The following GRSF1 variants were observed in gnomAD, a reference collection of about 807,000 sequenced individuals.
GRSF1 encodes G-rich sequence factor 1.
Under a neutral mutation model 51.1 loss-of-function variants are expected in GRSF1, and 50 were observed. The ratio of observed to expected loss-of-function variants is 0.98; its 90% CI spans 0.78 to 1.24. GRSF1 has a LOEUF of 1.24. Ranked by LOEUF, GRSF1 falls within the 50% of genes most tolerant of loss-of-function variation. The pLI is 0.00. For synonymous variants in GRSF1, 293 were observed against 253.3 expected (o/e 1.16, Z -1.49); for missense variants, 700 against 639.7 (o/e 1.09, Z -1.02).
Position 70,825,378 on chromosome 4 carries a change from C to G in GRSF1, c.1311G>C (p.Gly437=). The part of the protein sequence containing the change: ...VRITMEYSSS[G]KATGEADVHF... ...GCACATCAGCTTCTCCAGTGGCCTT[C>G]CCACTGGAGCTGTATTCCATGGTGA... The change falls in exon 8 of 10, where the codon GGG becomes GGC. Residue 437 remains glycine, a synonymous_variant. Coordinates refer to ENST00000254799, the MANE Select transcript of GRSF1 (RefSeq NM_002092.4). 1 of 1,608,108 alleles carries G rather than the reference C, an allele frequency of 6.2e-7. No individual in the cohort carries two copies. Among genetic ancestry groups the G allele is most frequent in the African/African-American group, 1.3e-5 (1 of 74,814 alleles).
upstream of GRSF1, among the ~76,000 whole-genome samples, chr4:70,840,847 C>T (rs554211761): frequency 2.8e-3 from 430 of 152,176 alleles, 3 homozygotes; most frequent in South Asian, 6.4e-3. Flanking sequence ...TGCTGCCCTG[C>T]GCTGTGCCAC....
intron 5 of GRSF1, among the ~76,000 whole-genome samples, chr4:70,830,648 G>A (rs1733926410): frequency 1.3e-5 from 2 of 151,850 alleles, no homozygotes; most frequent in Non-Finnish European, 2.9e-5. Flanking sequence ...GTAAAACCTT[G>A]TCTCTACTAA....
intron 1 of GRSF1, among the ~76,000 whole-genome samples, chr4:70,837,094 C>T (rs1376649174): frequency 6.6e-6 from 1 of 152,196 alleles, no homozygotes; most frequent in Non-Finnish European, 1.5e-5. Flanking sequence ...GAATATTCCT[C>T]TGTCAGCTGG....
chr4:70,822,227 C>T (rs1050474155), intron 9 of GRSF1, among the ~76,000 whole-genome samples: 1 of 152,102 alleles, frequency 6.6e-6, no homozygotes, highest in Non-Finnish European at 1.5e-5. Flanking sequence ...AACAGTGGCA[C>T]ATTAACTGTG....
At position 70,828,007 on chromosome 4, in the gene GRSF1, T is replaced by C. The variant is rs1277078184; in HGVS notation, c.980A>G (p.Asn327Ser). 1 of 1,613,418 alleles carries C rather than the reference T, an allele frequency of 6.2e-7. No individual in the cohort carries two copies. The highest frequency in any genetic ancestry group is 8.5e-7 in the Non-Finnish European group (1 of 1,179,648). ...RYIEIFPSRRNEVRTHVGSYK... is the reference protein window; with the variant it reads ...RYIEIFPSRRSEVRTHVGSYK... Reference sequence around the variant, plus strand: ...AGAACCGACATGTGTTCGAACTTCATTCCTTCTGCTTGGAAATATCTCGAT... The same window carrying C: ...AGAACCGACATGTGTTCGAACTTCACTCCTTCTGCTTGGAAATATCTCGAT... Residue 327 changes from asparagine to serine, a missense_variant, in exon 6 of 10, where the codon AAT becomes AGT. By Grantham distance (46) the Asn-to-Ser change is conservative. Coordinates refer to ENST00000254799, the MANE Select transcript of GRSF1 (RefSeq NM_002092.4).
intron 9 of GRSF1, 23 bp downstream of exon 9, chr4:70,824,271 A>C: frequency 1.0e-6 from 1 of 998,656 alleles, no homozygotes; most frequent in South Asian, 1.4e-5. Context: ...CACCCAGCCC[A>C]CAGTATTACC....
chr4:70,838,849 GAC>G (rs1734333587), intron 1 of GRSF1: 3 of 212,230 alleles, frequency 1.4e-5, no homozygotes, highest in South Asian at 1.1e-4. Context: ...CAGACGAGGC[GAC>G]ACACAGTCCT....
upstream of GRSF1, chr4:70,839,916 G>A: frequency 7.9e-7 from 1 of 1,261,036 alleles, no homozygotes; most frequent in Middle Eastern, 2.8e-4. Context: ...TTGGGGGTGG[G>A]GTGTGCCTGG....
chr4:70,837,597 C>T (rs541622201), intron 1 of GRSF1, among the ~76,000 whole-genome samples: 40 of 150,988 alleles, frequency 2.6e-4, no homozygotes, highest in Non-Finnish European at 4.9e-4. Flanking sequence ...TGCACTCTAC[C>T]GGACTAAGGA....
rs186702664 is a variant in GRSF1 at position 70,828,883 on chromosome 4, G to A, written c.951-847C>T. On this transcript the variant is annotated intron_variant, in intron 5 of 9. Coordinates refer to ENST00000254799, the MANE Select transcript of GRSF1 (RefSeq NM_002092.4). ...CTCCTGAGTAGCTGGAATTACAGGCGCCCGCCACCACGCCCAGCTGATTTT... is the reference window on the plus strand; with the variant it reads ...CTCCTGAGTAGCTGGAATTACAGGCACCCGCCACCACGCCCAGCTGATTTT... 8.1e-3 allele frequency among the ~76,000 whole-genome samples: 1,228 copies of A among 151,886 alleles called. 17 individuals carry two copies. Among genetic ancestry groups the A allele is most frequent in the African/African-American group, 0.027 (1,134 of 41,424 alleles).
At chr4:70,822,950 A>G (rs998660552) in intron 9 of GRSF1, among the ~76,000 whole-genome samples, 38 of 152,082 alleles carry the variant, frequency 2.5e-4, no homozygotes, top group African/African-American at 8.9e-4. Context: ...CAAAAAAATT[A>G]GCCAGGCATT....
intron 1 of GRSF1, 87 bp downstream of exon 1, chr4:70,839,384 C>T: frequency 6.6e-7 from 1 of 1,507,850 alleles, no homozygotes; most frequent in South Asian, 1.2e-5. Context: ...GCCCGCGAGG[C>T]GCACACGGAG....
In GRSF1 at chr4:70,833,034, T is replaced by C. The variant is rs190846944; in HGVS notation, c.670+84A>G. ...CATTCATACAATCTAAATACTTCAT[T>C]ATTAAGGATCAAATAAAAACTACCT... On this transcript the variant is annotated intron_variant, in intron 3 of 9. Coordinates refer to ENST00000254799, the MANE Select transcript of GRSF1 (RefSeq NM_002092.4). 2.7e-5 allele frequency: 31 copies of C among 1,161,828 alleles called. No individual in the cohort carries two copies. In the East Asian group the frequency reaches 7.1e-4, roughly 27 times the overall value. The allele number at this position is 1,161,828 out of a possible 1,614,324, so 72.0% of individuals were successfully genotyped here. A position where few individuals can be genotyped will look rare whatever the true frequency, so the allele number is the denominator to read the frequency against.
chr4:70,826,519 T>C (rs910057900), intron 6 of GRSF1, among the ~76,000 whole-genome samples: 2 of 151,012 alleles, frequency 1.3e-5, no homozygotes, highest in African/African-American at 4.9e-5. Context: ...AAAGAGACTT[T>C]CTAGATTATA....
chr4:70,825,025 A>G (rs577905408), intron 8 of GRSF1, among the ~76,000 whole-genome samples: 36 of 152,022 alleles, frequency 2.4e-4, no homozygotes, highest in African/African-American at 8.2e-4. Flanking sequence ...TTGCTTGAAC[A>G]CAGGAGGCTG....
upstream of GRSF1, among the ~76,000 whole-genome samples, chr4:70,842,190 C>G (rs951402225): frequency 6.6e-6 from 1 of 152,150 alleles, no homozygotes; most frequent in African/African-American, 2.4e-5. Flanking sequence ...ACTGCTTGTT[C>G]GTGATTTGTT....
intron 1 of GRSF1, among the ~76,000 whole-genome samples, chr4:70,837,616 T>A: frequency 6.7e-6 from 1 of 148,902 alleles, no homozygotes; most frequent in Non-Finnish European, 1.5e-5. Context: ...GACAGAGATA[T>A]CTTTCTACTA....
chr4:70,824,444 C>G, intron 8 of GRSF1, 76 bp from the exon 9 acceptor site: 2 of 765,510 alleles, frequency 2.6e-6, no homozygotes, highest in South Asian at 3.0e-5. Flanking sequence ...TCTCACAGTT[C>G]AGACAGCAAC....
chr4:70,835,405 G>T (rs1358920613), intron 2 of GRSF1, among the ~76,000 whole-genome samples: 1 of 148,474 alleles, frequency 6.7e-6, no homozygotes, highest in African/African-American at 2.5e-5. Flanking sequence ...ACTCCAGCCT[G>T]GCGACAGAGC....
Sources: allele counts gnomAD v4.1 joint callset (sites outside exome capture counted in the v4.1 genomes callset), GRCh38; gene constraint gnomAD v4.1.1; transcripts MANE v1.5; gene names NCBI Gene and HGNC (gene_info 2026-07-23, HGNC 2026-07-21).